The following WDFY3 variants were observed in gnomAD, a reference collection of about 807,000 sequenced individuals.
WDFY3 encodes the protein WD repeat and FYVE domain-containing protein 3.
Under a neutral mutation model 409.6 loss-of-function variants are expected in WDFY3, and 66 were observed. The ratio of observed to expected loss-of-function variants is 0.16; its 90% CI spans 0.13 to 0.20. The LOEUF (loss-of-function observed/expected upper bound fraction) is 0.20. Among genes scored for constraint, WDFY3 ranks in the 10% least tolerant of loss-of-function variants. The pLI is 1.00. For missense variants in WDFY3, 3,031 were observed against 4,298.1 expected, an observed-to-expected ratio of 0.71 and a Z score of 8.24; for synonymous variants, 1,521 against 1,537.1, an observed-to-expected ratio of 0.99 and a Z score of 0.25.
At chr4:84,957,856 G>T (rs2151177315) in intron 1 of WDFY3, among the ~76,000 whole-genome samples, 1 of 152,256 alleles carries the variant, frequency 6.6e-6, no homozygotes, top group South Asian at 2.1e-4. Flanking sequence ...AGATCTATTA[G>T]TGTTACAGTT....
intron 63 of WDFY3, 44 bp from the exon 64 acceptor site, chr4:84,682,514 T>A: frequency 6.7e-7 from 1 of 1,490,054 alleles, no homozygotes; most frequent in East Asian, 2.3e-5. Flanking sequence ...AAGAAACAGA[T>A]TAAGGAACCA....
At chr4:84,883,050 A>G (rs545592888) in intron 3 of WDFY3, among the ~76,000 whole-genome samples, 1 of 152,286 alleles carries the variant, frequency 6.6e-6, no homozygotes, top group East Asian at 1.9e-4. Flanking sequence ...ACGAAATATA[A>G]AAGTGTATTT....
In WDFY3 at chr4:84,871,967, G is replaced by C. The variant is rs542131325; in HGVS notation, c.-31-11345C>G. On this transcript the variant is annotated intron_variant, in intron 3 of 67. Transcript: ENST00000295888. Reference sequence around the variant, plus strand: ...TTCCTAATTGATGTAAAAGATAACTGAATGTTTAAAAATAGCAGTAATGTG... The same window carrying C: ...TTCCTAATTGATGTAAAAGATAACTCAATGTTTAAAAATAGCAGTAATGTG... 3.9e-5 allele frequency among the ~76,000 whole-genome samples: 6 copies of C among 152,316 alleles called. No individual in the cohort carries two copies. In the South Asian group the frequency reaches 1.2e-3, roughly 32 times the overall value.
chr4:84,676,639 T>C (rs549752715), intron 67 of WDFY3, among the ~76,000 whole-genome samples: 49 of 151,040 alleles, frequency 3.2e-4, no homozygotes, highest in African/African-American at 1.2e-3. Context: ...GAAATAATGA[T>C]GATAAATTCA....
intron 11 of WDFY3, among the ~76,000 whole-genome samples, chr4:84,820,499 C>T (rs952263287): frequency 1.3e-5 from 2 of 152,068 alleles, no homozygotes; most frequent in Non-Finnish European, 2.9e-5. Flanking sequence ...AACAGGAGAA[C>T]GCTAGATTTT....
Position 84,826,993 on chromosome 4 carries a change from T to C in WDFY3, c.957-12A>G, listed in dbSNP as rs1175676531. On this transcript the variant is annotated splice_polypyrimidine_tract_variant and intron_variant, in intron 9 of 67. Transcript: ENST00000295888. ...TTGCTTGTTCCAATCTAGAAAAGTA[T>C]GATTTAGAAAGTATTTTTTTTCTCT... The C allele has an allele frequency of 1.3e-6, 2 of 1,595,278 alleles. No homozygotes were observed. Among genetic ancestry groups the C allele is most frequent in the Non-Finnish European group, 1.7e-6 (2 of 1,175,714 alleles).
intron 17 of WDFY3, 116 bp downstream of exon 17, chr4:84,801,534 A>AT (rs1750565126): frequency 9.5e-7 from 1 of 1,049,762 alleles, no homozygotes; most frequent in Non-Finnish European, 1.3e-6. Context: ...TTTTTGTTAT[A>AT]TTTTGCCCAT....
chr4:84,703,254 T>C (rs1731364326), intron 55 of WDFY3, among the ~76,000 whole-genome samples: 1 of 152,230 alleles, frequency 6.6e-6, no homozygotes, highest in Non-Finnish European at 1.5e-5. Flanking sequence ...GTTCTCATAC[T>C]AATGAAAATT....
chr4:84,886,915 A>C (rs1395191903), intron 3 of WDFY3, among the ~76,000 whole-genome samples: 2 of 152,160 alleles, frequency 1.3e-5, no homozygotes, highest in Admixed American at 1.3e-4. Context: ...ACTTTGGCAT[A>C]ATCTCTCAGT....
rs760869367 is a variant in WDFY3, at chr4:84,821,545, C to G, written c.1130G>C (p.Ser377Thr). The G allele has an allele frequency of 2.2e-5, 36 of 1,610,690 alleles. No homozygotes were observed. The highest frequency in any genetic ancestry group is 2.9e-5 in the Non-Finnish European group (34 of 1,178,330). Residue 377 changes from serine to threonine, a missense_variant, in exon 11 of 68, where the codon AGT becomes ACT. By Grantham distance (58) the Ser-to-Thr change is moderately conservative (BLOSUM62 1). This residue lies in a region of WDFY3 where 1,322 missense variants were observed against 1,697.9 expected (regional missense o/e 0.78). Transcript: ENST00000295888. Reference sequence around the variant, plus strand: ...TGCAAAGGCCTGGACGTTTCTCACACTGTGACCTAGAACAGAAAAGAAAAA... The same window carrying G: ...TGCAAAGGCCTGGACGTTTCTCACAGTGTGACCTAGAACAGAAAAGAAAAA... ...AVPQPAGKGHSVRNVQAFAVL... is the reference protein window; with the variant it reads ...AVPQPAGKGHTVRNVQAFAVL...
chr4:84,767,487 T>C (rs1038849512), intron 30 of WDFY3, among the ~76,000 whole-genome samples: 51 of 152,092 alleles, frequency 3.4e-4, no homozygotes, highest in African/African-American at 1.2e-3. Context: ...ATGATTAAGT[T>C]CAGAGAGGAA....
chr4:84,846,234 T>C (rs565504389), intron 5 of WDFY3, among the ~76,000 whole-genome samples: 3 of 152,036 alleles, frequency 2.0e-5, no homozygotes, highest in Non-Finnish European at 4.4e-5. Flanking sequence ...TTACACAATA[T>C]GAAAAAAATG....
chr4:84,824,635 G>C lies in WDFY3; in HGVS notation c.1123+2180C>G, dbSNP rs536196853. On this transcript the variant is annotated intron_variant, in intron 10 of 67. Transcript: ENST00000295888. The stretch of plus-strand genomic sequence containing the variant: ...GCAAGGAGAACAAGGAAACTTTCTA[G>C]ACGGTGAAAATATTCCACATCATGA... Among the ~76,000 whole-genome samples the C allele has an allele frequency of 2.6e-5, 4 of 152,300 alleles. No individual in the cohort carries two copies. The East Asian group carries it at 5.8e-4, about 22-fold the overall frequency.
intron 33 of WDFY3, 105 bp downstream of exon 33, chr4:84,756,821 G>A (rs2149330291): frequency 2.4e-6 from 3 of 1,239,090 alleles, no homozygotes; most frequent in South Asian, 3.1e-5. Context: ...TTAAATGTGG[G>A]GAAAGTGATG....
In WDFY3 at chr4:84,782,958, C is replaced by T. The variant is rs1746829965; in HGVS notation, c.4174+5G>A. 1 of 1,610,408 alleles carries T rather than the reference C, an allele frequency of 6.2e-7. No individual in the cohort carries two copies. The highest frequency in any genetic ancestry group is 1.1e-5 in the South Asian group (1 of 89,838). ...GTTTGAAACAACAAAGATAAGTCCACTCACCCAAGTATCCAATCAGAGCGG... is the reference window on the plus strand; with the variant it reads ...GTTTGAAACAACAAAGATAAGTCCATTCACCCAAGTATCCAATCAGAGCGG... On this transcript the variant is annotated splice_donor_5th_base_variant and intron_variant, in intron 25 of 67. Transcript: ENST00000295888.
intron 5 of WDFY3, among the ~76,000 whole-genome samples, chr4:84,846,954 G>C (rs939210286): frequency 1.2e-4 from 18 of 151,992 alleles, no homozygotes; most frequent in Admixed American, 1.2e-3. Flanking sequence ...GAGAAGGACT[G>C]GTGGAAAATA....
In WDFY3 at chr4:84,736,309, A is replaced by G; in HGVS notation, c.6776T>C (p.Ile2259Thr). ...GGGCGCTAAAGCTTCTCCTCGACTTATGCATTTCTTTTCATGGGCTATTAA... is the reference window on the plus strand; with the variant it reads ...GGGCGCTAAAGCTTCTCCTCGACTTGTGCATTTCTTTTCATGGGCTATTAA... Reference protein sequence around the residue: ...QNHLAHEKKCISRGEALAPTT... With the variant: ...QNHLAHEKKCTSRGEALAPTT... Residue 2259 changes from isoleucine (I) to threonine (T), a missense_variant, in exon 42 of 68, where the codon ATA becomes ACA. Ile to Thr is a moderately conservative substitution (Grantham distance 89). Around this residue, in one of 16 missense-constraint regions of WDFY3, gnomAD observed 98 missense variants for 194.9 expected, o/e 0.50. Coordinates refer to ENST00000295888, the MANE Select transcript of WDFY3 (RefSeq NM_014991.6). 6.3e-7 allele frequency: 1 copy of G among 1,593,188 alleles called. No individual in the cohort carries two copies. The highest frequency in any genetic ancestry group is 1.4e-5 in the African/African-American group (1 of 74,026).
chr4:84,677,385 C>T lies in WDFY3; in HGVS notation c.10271G>A (p.Arg3424Lys). The change falls in exon 67 of 68, where the codon AGG becomes AAG. Residue 3424 changes from arginine to lysine, a missense_variant. By Grantham distance (26) the Arg-to-Lys change is conservative (BLOSUM62 2). Transcript: ENST00000295888. ...TALGISKDHSRILVGDSRGRV... is the reference protein window; with the variant it reads ...TALGISKDHSKILVGDSRGRV... ...GCCTCGACTGTCACCAACGAGGATC[C>T]TACTGTGATCCCTGCAGGAGACACG... The T allele has an allele frequency of 1.2e-6, 2 of 1,611,550 alleles. No individual in the cohort carries two copies. The highest frequency in any genetic ancestry group is 2.2e-5 in the South Asian group (2 of 90,724).
chr4:84,690,891 T>C (rs1451252407), intron 60 of WDFY3, among the ~76,000 whole-genome samples: 1 of 152,116 alleles, frequency 6.6e-6, no homozygotes, highest in African/African-American at 2.4e-5. Flanking sequence ...AAAAAGGACT[T>C]TGCTCATAAT....
Sources: allele counts gnomAD v4.1 joint callset (sites outside exome capture counted in the v4.1 genomes callset), GRCh38; gene constraint gnomAD v4.1.1; regional missense constraint gnomAD v4.1.1; transcripts MANE v1.5; gene names NCBI Gene and HGNC (gene_info 2026-07-23, HGNC 2026-07-21).